Variants in PLCL2 observed in about 807,000 individuals in gnomAD.
The protein encoded by PLCL2 is inactive phospholipase C-like protein 2.
In PLCL2, 4 loss-of-function variants were observed where a neutral mutation model predicts 79.6. The ratio of observed to expected loss-of-function variants is 0.05; its 90% confidence interval spans 0.02 to 0.11. PLCL2 has a LOEUF of 0.11. Among genes scored for constraint, PLCL2 ranks in the 10% least tolerant of loss-of-function variants. PLCL2 has a pLI of 1.00. For missense variants in PLCL2, 895 were observed against 1,291.0 expected (o/e 0.69, Z 4.70); for synonymous variants, 484 against 457.7 (o/e 1.06, Z -0.73).
intron 4 of PLCL2, among the ~76,000 whole-genome samples, chr3:17,053,900 A>G (rs1217509785): frequency 6.6e-6 from 1 of 152,032 alleles, no homozygotes; most frequent in East Asian, 1.9e-4. Context: ...CCTTTTCCCC[A>G]TTGTCCTGAC....
At chr3:16,943,196 AATAAT>A (rs1403165326) in intron 1 of PLCL2, among the ~76,000 whole-genome samples, 1 of 152,220 alleles carries the variant, frequency 6.6e-6, no homozygotes, top group African/African-American at 2.4e-5. Flanking sequence ...AACACTACTG[AATAAT>A]ATCCTTGTGC....
chr3:17,058,713 G>T (rs1575608884), intron 4 of PLCL2, among the ~76,000 whole-genome samples: 3 of 152,288 alleles, frequency 2.0e-5, no homozygotes, highest in South Asian at 2.1e-4. Context: ...AGACATAGAA[G>T]AGGGATCGCT....
At chr3:16,898,774 A>G (rs1394241720) in intron 1 of PLCL2, among the ~76,000 whole-genome samples, 1 of 152,274 alleles carries the variant, frequency 6.6e-6, no homozygotes, top group Non-Finnish European at 1.5e-5. Flanking sequence ...CCTGGGAACA[A>G]CAGGGACCAC....
chr3:17,078,299 G>T (rs558515999), intron 5 of PLCL2, among the ~76,000 whole-genome samples: 1 of 152,114 alleles, frequency 6.6e-6, no homozygotes, highest in Non-Finnish European at 1.5e-5. Flanking sequence ...GTGATTCTTG[G>T]GTTAGCTGGG....
In PLCL2 at chr3:17,011,343, A is replaced by G; in HGVS notation, c.1997A>G (p.Asn666Ser). ...YANENPGDFV[N>S]YNKRFLARVF... The stretch of plus-strand genomic sequence containing the variant: ...AATGAAAATCCAGGGGACTTTGTAA[A>G]TTACAACAAACGTTTTCTTGCTAGG... The change falls in exon 2 of 6, where the codon AAT becomes AGT. Residue 666 changes from asparagine to serine, a missense_variant. Asn to Ser is a conservative substitution (Grantham distance 46, BLOSUM62 1). Transcript: ENST00000615277. The surrounding 1 kb of genome is among the most constrained non-coding windows in gnomAD (Gnocchi z 7.9). 1 of 1,614,166 alleles carries G rather than the reference A, an allele frequency of 6.2e-7. No individual in the cohort carries two copies. Among genetic ancestry groups the G allele is most frequent in the Non-Finnish European group, 8.5e-7 (1 of 1,180,020 alleles).
At chr3:16,923,700 A>G (rs555125242) in intron 1 of PLCL2, among the ~76,000 whole-genome samples, 1 of 152,298 alleles carries the variant, frequency 6.6e-6, no homozygotes, top group South Asian at 2.1e-4. Flanking sequence ...TTCTTCAAAT[A>G]TTCTTTCTGT....
chr3:16,962,695 T>G (rs2063766165), intron 1 of PLCL2, among the ~76,000 whole-genome samples: 1 of 151,890 alleles, frequency 6.6e-6, no homozygotes, highest in Non-Finnish European at 1.5e-5. Flanking sequence ...CTTTGAAAAA[T>G]AAAATGAAGA....
chr3:16,956,640 CT>C (rs1400719953), intron 1 of PLCL2, among the ~76,000 whole-genome samples: 14 of 152,098 alleles, frequency 9.2e-5, no homozygotes, highest in African/African-American at 3.4e-4. Flanking sequence ...TAGAATTCGG[CT>C]GTGAATCCAT....
chr3:16,893,739 T>TA (rs895934883), intron 1 of PLCL2, among the ~76,000 whole-genome samples: 1 of 152,210 alleles, frequency 6.6e-6, no homozygotes, highest in African/African-American at 2.4e-5. Flanking sequence ...TCTTCTAGAT[T>TA]AAAAAAATAG....
At chr3:16,894,141 G>A (rs910050351) in intron 1 of PLCL2, among the ~76,000 whole-genome samples, 1 of 152,008 alleles carries the variant, frequency 6.6e-6, no homozygotes, top group Non-Finnish European at 1.5e-5. Flanking sequence ...TCTAAACTCT[G>A]ATATTCTGTA....
intron 1 of PLCL2, among the ~76,000 whole-genome samples, chr3:16,968,132 A>T (rs2063824540): frequency 6.6e-6 from 1 of 152,022 alleles, no homozygotes; most frequent in South Asian, 2.1e-4. Context: ...GTCTCAAGAC[A>T]GCCAGTACCA....
chr3:16,890,242 C>A (rs1364544927), intron 1 of PLCL2, among the ~76,000 whole-genome samples: 1 of 152,192 alleles, frequency 6.6e-6, no homozygotes, highest in African/African-American at 2.4e-5. Flanking sequence ...CAGCCTCCCC[C>A]AAATGGTTGT....
intron 3 of PLCL2, among the ~76,000 whole-genome samples, chr3:17,040,865 A>G (rs2064712528): frequency 6.7e-6 from 1 of 149,962 alleles, no homozygotes; most frequent in African/African-American, 2.5e-5. Flanking sequence ...GTTCTCCTCC[A>G]CTCCTGCTTT....
intron 2 of PLCL2, among the ~76,000 whole-genome samples, chr3:17,013,057 C>T (rs1263937076): frequency 1.3e-5 from 2 of 152,216 alleles, no homozygotes; most frequent in East Asian, 3.8e-4. Context: ...AAAAGACCTT[C>T]CCACAATAAG....
At chr3:17,037,400 T>A (rs968043166) in intron 3 of PLCL2, among the ~76,000 whole-genome samples, 3 of 152,198 alleles carry the variant, frequency 2.0e-5, no homozygotes, top group East Asian at 3.8e-4. Flanking sequence ...ATCTTTTCAT[T>A]TTTTGAGTTT....
chr3:17,034,226 A>G (rs1045692248), intron 3 of PLCL2, among the ~76,000 whole-genome samples: 13 of 152,092 alleles, frequency 8.5e-5, no homozygotes, highest in Non-Finnish European at 1.5e-4. Flanking sequence ...TCAGGGTTTC[A>G]GTGTGAGTGA....
chr3:16,966,980 G>A (rs997267790), intron 1 of PLCL2, among the ~76,000 whole-genome samples: 5 of 151,884 alleles, frequency 3.3e-5, no homozygotes, highest in African/African-American at 1.2e-4. Flanking sequence ...GTATCCCTCT[G>A]TACTCAATGT....
intron 1 of PLCL2, among the ~76,000 whole-genome samples, chr3:16,919,636 T>G (rs990432893): frequency 6.6e-6 from 1 of 152,206 alleles, no homozygotes; most frequent in Non-Finnish European, 1.5e-5. Context: ...GCTTAGCTCT[T>G]TAATATTTAG....
chr3:16,981,452 A>G (rs2063996919), intron 1 of PLCL2, among the ~76,000 whole-genome samples: 1 of 152,214 alleles, frequency 6.6e-6, no homozygotes, highest in African/African-American at 2.4e-5. Flanking sequence ...GACTAGGAGA[A>G]ATGTGTAATG....
Sources: gnomAD v4.1 joint callset for allele counts (sites outside exome capture counted in the v4.1 genomes callset) on GRCh38, gnomAD v4.1.1 for gene constraint, Gnocchi (gnomAD v3.1) non-coding constraint, MANE v1.5 for transcripts, NCBI Gene and HGNC (gene_info 2026-07-23, HGNC 2026-07-21) for gene names.